The following GNE variants were observed in gnomAD, a reference collection of about 807,000 sequenced individuals.
GNE encodes the protein bifunctional UDP-N-acetylglucosamine 2-epimerase/N-acetylmannosamine kinase.
Under a neutral mutation model 61.8 loss-of-function variants are expected in GNE, and 41 were observed. The ratio of observed to expected loss-of-function variants is 0.66; its 90% CI spans 0.52 to 0.86. The LOEUF (loss-of-function observed/expected upper bound fraction) is 0.86, where lower values mean the gene tolerates loss of function less well. GNE is among the 40% of genes least tolerant of loss of function. The pLI is 0.00. For missense variants in GNE, 608 were observed against 909.1 expected (o/e 0.67, Z 4.26); for synonymous variants, 264 against 326.4 (o/e 0.81, Z 2.06).
At chr9:36,220,482 T>G (rs1828539079) in intron 9 of GNE, among the ~76,000 whole-genome samples, 1 of 152,160 alleles carries the variant, frequency 6.6e-6, no homozygotes. Context: ...TGCAGGCTTC[T>G]TAGGAGGTGC....
At chr9:36,257,802 CAAAAAAA>C (rs60845805) in intron 1 of GNE, among the ~76,000 whole-genome samples, 266 of 25,170 alleles carry the variant, frequency 0.011, 2 homozygotes, top group Middle Eastern at 0.062. Context: ...GACTCAGTCT[CAAAAAAA>C]AAAAAAAAAA....
chr9:36,263,672 T>C lies in GNE; in HGVS notation c.51+13222A>G, dbSNP rs115649223. Among the ~76,000 whole-genome samples, 1,321 of 152,336 alleles carry C rather than the reference T, an allele frequency of 8.7e-3. 18 individuals carry two copies. Among genetic ancestry groups the C allele is most frequent in the African/African-American group, 0.031 (1,276 of 41,570 alleles). On this transcript the variant is annotated intron_variant, in intron 1 of 11. Coordinates refer to the GNE transcript ENST00000396594. ...CTTTCAAAAAAGAAAAGGACATTAT[T>C]TGGCACAAATTTTTCCTAAAGTTTT...
intron 1 of GNE, among the ~76,000 whole-genome samples, chr9:36,275,237 A>C (rs893910871): frequency 2.0e-5 from 3 of 152,254 alleles, no homozygotes; most frequent in African/African-American, 7.2e-5. Flanking sequence ...ATTATCACCT[A>C]CTAGGATCTT....
At chr9:36,228,939 T>C in intron 6 of GNE, 82 bp downstream of exon 6, 2 of 865,848 alleles carry the variant, frequency 2.3e-6, no homozygotes, top group Non-Finnish European at 4.0e-6. Flanking sequence ...GTTAGGATGA[T>C]TAAACAGTGA....
intron 1 of GNE, among the ~76,000 whole-genome samples, chr9:36,269,476 T>C (rs1830939015): frequency 1.3e-5 from 2 of 151,672 alleles, no homozygotes; most frequent in Non-Finnish European, 2.9e-5. Context: ...TCAAACTCAA[T>C]ATATGAAAGT....
chr9:36,242,479 C>T (rs1001391984), intron 3 of GNE, among the ~76,000 whole-genome samples: 5 of 151,948 alleles, frequency 3.3e-5, no homozygotes, highest in South Asian at 4.2e-4. Flanking sequence ...AGTGCAGTGG[C>T]GCGATCTCGG....
At chr9:36,223,636 A>G in intron 7 of GNE, 134 bp from the exon 8 acceptor site, 1 of 884,790 alleles carries the variant, frequency 1.1e-6, no homozygotes, top group South Asian at 1.5e-5. Context: ...TGCTTGGGGA[A>G]GGACCCACTG....
At chr9:36,260,383 A>C (rs1830568758), upstream of GNE, among the ~76,000 whole-genome samples, 1 of 151,786 alleles carries the variant, frequency 6.6e-6, no homozygotes, top group Non-Finnish European at 1.5e-5. Context: ...AGGCTGGGAG[A>C]GTGACCTGGT....
rs1828411183 is a variant in GNE at position 36,218,075 on chromosome 9, G to A, written c.1933+108C>T. ...GGAAAGAAACCTCTGAACAGACACT[G>A]CAAAGCACCTGTCCCTAGGGAAGCA... On this transcript the variant is annotated intron_variant, in intron 11 of 11. Transcript: ENST00000642385. This position sits in a 1 kb window ranked among gnomAD's most constrained non-coding sequence, Gnocchi z 4.1. 1.2e-6 allele frequency: 1 copy of A among 805,128 alleles called. No individual in the cohort carries two copies. The highest frequency in any genetic ancestry group is 1.7e-5 in the African/African-American group (1 of 59,676). The allele number at this position is 805,128 out of a possible 1,614,324, so 49.9% of individuals were successfully genotyped here.
chr9:36,238,527 G>T (rs1052851553), intron 3 of GNE, among the ~76,000 whole-genome samples: 1 of 152,168 alleles, frequency 6.6e-6, no homozygotes, highest in Non-Finnish European at 1.5e-5. Flanking sequence ...TCATATGTTT[G>T]TTGGCCATTT....
intron 1 of GNE, among the ~76,000 whole-genome samples, chr9:36,256,222 G>A (rs1385535609): frequency 7.5e-6 from 1 of 133,796 alleles, no homozygotes; most frequent in African/African-American, 2.8e-5. Flanking sequence ...ACCATACCCA[G>A]CCAGAGAAAC....
Position 36,216,656 on chromosome 9 carries a change from A to ATTATTAT in GNE, c.*702_*708dup, listed in dbSNP as rs1246183469. 1 of 107,192 alleles carries ATTATTAT rather than the reference A, an allele frequency of 9.3e-6. No homozygotes were observed. The highest frequency in any genetic ancestry group is 2.3e-4 in the East Asian group (1 of 4,314). 6.6% of individuals were successfully genotyped at this position (107,192 alleles called of 1,614,324 possible). On this transcript the variant is annotated 3_prime_UTR_variant, in exon 12 of 12. Coordinates refer to ENST00000642385, the MANE Select transcript of GNE (RefSeq NM_005476.7). The stretch of plus-strand genomic sequence containing the variant: ...AGCTGGAAGGATTATTATTATTATT[A>ATTATTAT]TTATTATTATTATTATTTATTATTA...
intron 5 of GNE, among the ~76,000 whole-genome samples, chr9:36,231,065 C>CT (rs1186670278): frequency 3.3e-5 from 2 of 61,202 alleles, no homozygotes; most frequent in Non-Finnish European, 5.3e-5. Flanking sequence ...CACTGCTTCA[C>CT]TAAAAAAAAA....
intron 1 of GNE, among the ~76,000 whole-genome samples, chr9:36,272,620 CAAAAAAAA>C (rs58934783): frequency 2.7e-5 from 2 of 74,112 alleles, no homozygotes; most frequent in South Asian, 5.6e-4. Flanking sequence ...GACTCCGCCT[CAAAAAAAA>C]AAAAAAAAAA....
rs59077792 is a variant in GNE at position 36,273,763 on chromosome 9, C to G, written c.51+3131G>C. Among the ~76,000 whole-genome samples, 428 of 150,850 alleles carry G rather than the reference C, an allele frequency of 2.8e-3. 1 individual carries two copies. Among genetic ancestry groups the G allele is most frequent in the African/African-American group, 1.0e-2 (408 of 40,988 alleles). ...AGGTGATTCTCCTGCCTCAGCCTCC[C>G]GAGTAGCTGGAATTACAGGCACCTG... On this transcript the variant is annotated intron_variant, in intron 1 of 11. Coordinates refer to the GNE transcript ENST00000396594.
intron 2 of GNE, among the ~76,000 whole-genome samples, chr9:36,248,162 T>C (rs933358828): frequency 2.0e-5 from 3 of 152,216 alleles, no homozygotes; most frequent in Non-Finnish European, 4.4e-5. Context: ...AATTTTATTT[T>C]AACGCAAGGT....
intron 1 of GNE, among the ~76,000 whole-genome samples, chr9:36,270,226 G>A (rs1185850607): frequency 6.6e-6 from 1 of 152,108 alleles, no homozygotes; most frequent in Non-Finnish European, 1.5e-5. Context: ...GCCTTCCAAA[G>A]TGTTGGTATT....
chr9:36,243,099 C>T (rs1209428918), intron 3 of GNE, among the ~76,000 whole-genome samples: 2 of 152,068 alleles, frequency 1.3e-5, no homozygotes, highest in Non-Finnish European at 2.9e-5. Flanking sequence ...GGCTGGAGTG[C>T]AGTGGCACAA....
chr9:36,227,109 A>G, intron 7 of GNE, 139 bp downstream of exon 7: 1 of 695,976 alleles, frequency 1.4e-6, no homozygotes, highest in Non-Finnish European at 2.6e-6. Context: ...ATTGTAAAGG[A>G]TCCACAAGTC....
Sources: gnomAD v4.1 joint callset for allele counts (sites outside exome capture counted in the v4.1 genomes callset) on GRCh38, gnomAD v4.1.1 for gene constraint, Gnocchi (gnomAD v3.1) non-coding constraint, MANE v1.5 for transcripts, NCBI Gene and HGNC (gene_info 2026-07-23, HGNC 2026-07-21) for gene names.